The following RPTOR variants were observed in gnomAD, a reference collection of about 807,000 sequenced individuals.
The protein encoded by RPTOR is regulatory associated protein of MTOR complex 1.
RPTOR carries 21 observed loss-of-function variants against 169.9 expected under a neutral mutation model. That is an observed-to-expected ratio of 0.12 (90% CI 0.09 to 0.18). The LOEUF is 0.18. Ranked by LOEUF, RPTOR falls within the 10% of genes least tolerant of loss-of-function variation. The pLI, the probability that RPTOR is intolerant of heterozygous loss-of-function variation, is 1.00. For synonymous variants in RPTOR, 732 were observed against 753.2 expected (o/e 0.97, Z 0.46); for missense variants, 1,133 against 1,855.9 (o/e 0.61, Z 7.16).
At chr17:80,948,841 C>A (rs1332991540) in intron 27 of RPTOR, among the ~76,000 whole-genome samples, 1 of 152,148 alleles carries the variant, frequency 6.6e-6, no homozygotes, top group South Asian at 2.1e-4. Flanking sequence ...CTGGAGGATG[C>A]AGAGGGCCGT....
In RPTOR at chr17:80,964,762, A is replaced by G. The variant is rs2069403752; in HGVS notation, c.*432A>G. 3.7e-6 allele frequency: 1 copy of G among 270,354 alleles called. No homozygotes were observed. The highest frequency in any genetic ancestry group is 7.1e-6 in the Non-Finnish European group (1 of 139,922). The allele number at this position is 270,354 out of a possible 1,614,324, so 16.7% of individuals were successfully genotyped here. On this transcript the variant is annotated 3_prime_UTR_variant, in exon 34 of 34. Coordinates refer to ENST00000306801, the MANE Select transcript of RPTOR (RefSeq NM_020761.3). ...ACGGGTCCCTGGGGCAGCTGTCCCC[A>G]TCAGGCCAAGAGCGAGCGAGAGGCG...
chr17:80,561,122 G>A (rs551625053), intron 1 of RPTOR, among the ~76,000 whole-genome samples: 1 of 152,044 alleles, frequency 6.6e-6, no homozygotes, highest in Admixed American at 6.5e-5. Flanking sequence ...CCAGGCTGGA[G>A]TGCAGTGGTG....
At chr17:80,958,389 C>T (rs1362029320) in intron 29 of RPTOR, among the ~76,000 whole-genome samples, 1 of 144,840 alleles carries the variant, frequency 6.9e-6, no homozygotes, top group Non-Finnish European at 1.5e-5. Flanking sequence ...CTACAGAAGA[C>T]AGAAGATTTT....
At position 80,707,622 on chromosome 17, in the gene RPTOR, G is replaced by T. The variant is rs567753901; in HGVS notation, c.349-219G>T. Among the ~76,000 whole-genome samples the T allele has an allele frequency of 1.3e-5, 2 of 151,846 alleles. No individual in the cohort carries two copies. The highest frequency in any genetic ancestry group is 2.4e-5 in the African/African-American group (1 of 41,318). The stretch of plus-strand genomic sequence containing the variant: ...GCCCAGGCTGATCTTGAGCTCCCGG[G>T]CTCAACCAGTTCTCCCACCTTGGCC... On this transcript the variant is annotated intron_variant, in intron 3 of 33. Coordinates refer to ENST00000306801, the MANE Select transcript of RPTOR (RefSeq NM_020761.3). This position sits in a 1 kb window ranked among gnomAD's most constrained non-coding sequence, Gnocchi z 5.0.
chr17:80,892,930 A>C (rs2068344450), intron 19 of RPTOR, 61 bp downstream of exon 19: 2 of 1,575,868 alleles, frequency 1.3e-6, no homozygotes, highest in Non-Finnish European at 1.7e-6. Context: ...TTTCTGAAAC[A>C]CTGTATCTGA....
chr17:80,650,530 T>A (rs1158080206), intron 3 of RPTOR, among the ~76,000 whole-genome samples: 1 of 152,244 alleles, frequency 6.6e-6, no homozygotes, highest in Non-Finnish European at 1.5e-5. Flanking sequence ...AGAGCTTAAC[T>A]GTGGAAAGAA....
Position 80,908,556 on chromosome 17 carries a change from C to G in RPTOR, c.2402-255C>G, listed in dbSNP as rs539723665. ...TGAGGCATTTCAAGGAAAGTTACAC[C>G]CTTTCCAACGCAGTTTTCCTTTTAG... is the stretch of plus-strand genomic sequence containing the variant. On this transcript the variant is annotated intron_variant, in intron 20 of 33. Coordinates refer to ENST00000306801, the MANE Select transcript of RPTOR (RefSeq NM_020761.3). Among the ~76,000 whole-genome samples the G allele has an allele frequency of 8.5e-5, 13 of 152,296 alleles. 1 individual carries two copies. In the South Asian group the frequency reaches 2.7e-3, roughly 32 times the overall value.
intron 27 of RPTOR, among the ~76,000 whole-genome samples, chr17:80,948,152 G>A (rs146474135): frequency 1.3e-5 from 2 of 152,312 alleles, no homozygotes; most frequent in East Asian, 1.9e-4. Context: ...AGTGAAGGCC[G>A]ACACCCGGAT....
At chr17:80,825,639 G>A (rs904476373) in intron 9 of RPTOR, among the ~76,000 whole-genome samples, 8 of 152,214 alleles carry the variant, frequency 5.3e-5, no homozygotes, top group East Asian at 3.9e-4. Context: ...AGGTGATGTC[G>A]CAATCCACAG....
chr17:80,827,229 C>G (rs938717628), intron 9 of RPTOR, among the ~76,000 whole-genome samples: 1 of 152,352 alleles, frequency 6.6e-6, no homozygotes. Context: ...TCCAGCGCCA[C>G]TTGTGGGAAA....
In RPTOR at chr17:80,622,634, C is replaced by T. The variant is rs565067974; in HGVS notation, c.163-3057C>T. The stretch of plus-strand genomic sequence containing the variant: ...TGATATTATTGGCTGGGTGCAGTGG[C>T]GCATGCCTGTAATCCCAGCACTTTG... On this transcript the variant is annotated intron_variant, in intron 1 of 33. Coordinates refer to ENST00000306801, the MANE Select transcript of RPTOR (RefSeq NM_020761.3). 8.7e-4 allele frequency among the ~76,000 whole-genome samples: 133 copies of T among 152,302 alleles called. 1 individual carries two copies. Among genetic ancestry groups the T allele is most frequent in the Middle Eastern group, 3.4e-3 (1 of 294 alleles).
intron 22 of RPTOR, 53 bp downstream of exon 22, chr17:80,922,880 G>A (rs2068763064): frequency 5.5e-6 from 8 of 1,444,980 alleles, no homozygotes; most frequent in East Asian, 2.5e-5. Context: ...GGGGCCCCAC[G>A]GGCTGAGCTG....
Position 80,949,458 on chromosome 17 carries a change from G to T in RPTOR, c.3281G>T (p.Arg1094Met), listed in dbSNP as rs773638483. ...LLTATDDGAI[R>M]VWKNFADLEK... Reference sequence around the variant, plus strand: ...CCCTCCCCAGACGATGGTGCCATCAGGGTCTGGAAGAATTTTGCTGATTTG... The same window carrying T: ...CCCTCCCCAGACGATGGTGCCATCATGGTCTGGAAGAATTTTGCTGATTTG... Residue 1094 changes from arginine (R) to methionine (M), a missense_variant, in exon 28 of 34, where the codon AGG (arginine) becomes ATG (methionine). Coordinates refer to ENST00000306801, the MANE Select transcript of RPTOR (RefSeq NM_020761.3). The T allele has an allele frequency of 6.2e-7, 1 of 1,613,998 alleles. No individual in the cohort carries two copies. Among genetic ancestry groups the T allele is most frequent in the South Asian group, 1.1e-5 (1 of 91,084 alleles).
At chr17:80,563,362 G>A (rs1490421888) in intron 1 of RPTOR, among the ~76,000 whole-genome samples, 3 of 151,510 alleles carry the variant, frequency 2.0e-5, no homozygotes, top group Admixed American at 6.6e-5. Flanking sequence ...GTGAAACCCC[G>A]TCTCTACTAA....
At chr17:80,877,061 G>A (rs1363923256) in intron 13 of RPTOR, among the ~76,000 whole-genome samples, 2 of 146,064 alleles carry the variant, frequency 1.4e-5, no homozygotes, top group East Asian at 2.1e-4. Context: ...TGTGTGTGTC[G>A]CCTGCTGGGT....
At chr17:80,734,842 ACTT>A (rs534278238) in intron 5 of RPTOR, among the ~76,000 whole-genome samples, 73 of 152,340 alleles carry the variant, frequency 4.8e-4, no homozygotes, top group African/African-American at 1.4e-3. Flanking sequence ...GGACATGTAC[ACTT>A]CTTCTCACCA....
intron 1 of RPTOR, among the ~76,000 whole-genome samples, chr17:80,594,653 A>G (rs1456400951): frequency 6.6e-6 from 1 of 152,226 alleles, no homozygotes; most frequent in African/African-American, 2.4e-5. Flanking sequence ...CAGCACAAGA[A>G]TAAAGCCTTT....
At chr17:80,914,230 G>A (rs1314226134) in intron 21 of RPTOR, among the ~76,000 whole-genome samples, 2 of 152,260 alleles carry the variant, frequency 1.3e-5, no homozygotes. Flanking sequence ...GCAGGGACCG[G>A]TGGAATCCCA....
At chr17:80,682,792 C>CT (rs35739205) in intron 3 of RPTOR, among the ~76,000 whole-genome samples, 26,533 of 151,118 alleles carry the variant, frequency 0.18, 3,701 homozygotes, top group African/African-American at 0.39. Context: ...AATTTGTTTC[C>CT]TTTTTTTTTC....
Sources: gnomAD v4.1 joint callset for allele counts (sites outside exome capture counted in the v4.1 genomes callset) on GRCh38, gnomAD v4.1.1 for gene constraint, Gnocchi (gnomAD v3.1) non-coding constraint, MANE v1.5 for transcripts, NCBI Gene and HGNC (gene_info 2026-07-23, HGNC 2026-07-21) for gene names.